Variants in LRRC7 observed in about 807,000 individuals in gnomAD.
LRRC7 encodes the protein leucine rich repeat containing 7.
LRRC7 carries 23 observed loss-of-function variants against 175.7 expected under a neutral mutation model. The ratio of observed to expected loss-of-function variants is 0.13; its 90% CI spans 0.09 to 0.19. The LOEUF (loss-of-function observed/expected upper bound fraction) is 0.19, where lower values mean the gene tolerates loss of function less well. Ranked by LOEUF, LRRC7 falls within the 10% of genes least tolerant of loss-of-function variation. The probability of loss-of-function intolerance (pLI) is 1.00; values close to 1 mark genes in which losing one functional copy is unlikely to be tolerated. For missense variants in LRRC7, 1,354 were observed against 1,904.7 expected, an observed-to-expected ratio of 0.71 and a Z score of 5.38; for synonymous variants, 685 against 680.9, an observed-to-expected ratio of 1.01 and a Z score of -0.09.
At chr1:69,628,245 T>G (rs1557509900) in intron 1 of LRRC7, among the ~76,000 whole-genome samples, 1 of 151,908 alleles carries the variant, frequency 6.6e-6, no homozygotes, top group Non-Finnish European at 1.5e-5. Context: ...TCAGAATGAG[T>G]AAAAAAAATT....
chr1:69,903,708 T>C (rs768719038), intron 7 of LRRC7, among the ~76,000 whole-genome samples: 3 of 152,018 alleles, frequency 2.0e-5, no homozygotes, highest in Non-Finnish European at 4.4e-5. Context: ...AAAAAATCAG[T>C]GAATCCAGGA....
intron 7 of LRRC7, among the ~76,000 whole-genome samples, chr1:69,869,787 A>AAGATTGAT (rs1685329653): frequency 6.6e-6 from 1 of 152,160 alleles, no homozygotes; most frequent in South Asian, 2.1e-4. Flanking sequence ...CCCAAAGGTA[A>AAGATTGAT]AGATTGATAA....
intron 25 of LRRC7, among the ~76,000 whole-genome samples, chr1:70,102,771 A>G (rs1664885980): frequency 6.6e-6 from 1 of 152,222 alleles, no homozygotes. Flanking sequence ...AATTCTATAA[A>G]GTATGTGCCA....
At chr1:70,105,645 A>G (rs570858202) in intron 25 of LRRC7, among the ~76,000 whole-genome samples, 1 of 152,274 alleles carries the variant, frequency 6.6e-6, no homozygotes, top group East Asian at 1.9e-4. Flanking sequence ...TACTGTATGG[A>G]TTTACTATAA....
At chr1:69,739,036 C>A (rs10889849) in intron 2 of LRRC7, among the ~76,000 whole-genome samples, 123,832 of 151,950 alleles carry the variant, frequency 0.81, 50,669 homozygotes, top group East Asian at 0.93. Flanking sequence ...GAACAATAAA[C>A]AGGATTTGAG....
intron 9 of LRRC7, among the ~76,000 whole-genome samples, chr1:69,982,316 AC>A (rs1458437921): frequency 2.0e-5 from 3 of 152,114 alleles, no homozygotes; most frequent in Non-Finnish European, 4.4e-5. Context: ...GTGTGGGAAT[AC>A]CCTACACCTC....
At chr1:69,801,303 T>C (rs1303172441) in intron 4 of LRRC7, among the ~76,000 whole-genome samples, 1 of 151,788 alleles carries the variant, frequency 6.6e-6, no homozygotes, top group East Asian at 1.9e-4. Flanking sequence ...CCAGTTCTTC[T>C]TTGTAGGTTT....
intron 17 of LRRC7, among the ~76,000 whole-genome samples, chr1:70,026,251 T>G (rs558752821): frequency 1.7e-4 from 26 of 152,248 alleles, no homozygotes; most frequent in Non-Finnish European, 3.1e-4. Context: ...AATGCCCTAC[T>G]TTAGCTTATT....
At chr1:69,630,702 C>T (rs1257774988) in intron 1 of LRRC7, among the ~76,000 whole-genome samples, 1 of 151,796 alleles carries the variant, frequency 6.6e-6, no homozygotes, top group Non-Finnish European at 1.5e-5. Context: ...TATTTTCTAT[C>T]TTTTACCCTT....
chr1:69,692,194 C>T (rs999193955), intron 2 of LRRC7, among the ~76,000 whole-genome samples: 8 of 152,166 alleles, frequency 5.3e-5, no homozygotes, highest in Non-Finnish European at 7.4e-5. Flanking sequence ...TGTAGTGTAT[C>T]TTAGCTGAAG....
chr1:69,708,903 A>G (rs555320155), intron 2 of LRRC7, among the ~76,000 whole-genome samples: 1 of 152,306 alleles, frequency 6.6e-6, no homozygotes, highest in Non-Finnish European at 1.5e-5. Context: ...ACTTCCACCT[A>G]TTTTATTGAC....
chr1:69,789,631 TG>T (rs1674882220), intron 3 of LRRC7, among the ~76,000 whole-genome samples: 1 of 152,088 alleles, frequency 6.6e-6, no homozygotes, highest in Non-Finnish European at 1.5e-5. Context: ...CCCAATCCAG[TG>T]AACTACCACT....
At chr1:69,909,399 T>C (rs1035863621) in intron 7 of LRRC7, among the ~76,000 whole-genome samples, 15 of 152,198 alleles carry the variant, frequency 9.9e-5, no homozygotes, top group African/African-American at 2.7e-4. Flanking sequence ...GTTTTTGCAG[T>C]GGCTGGTACC....
chr1:69,994,043 C>T (rs1418351999), intron 10 of LRRC7, among the ~76,000 whole-genome samples: 1 of 151,926 alleles, frequency 6.6e-6, no homozygotes, highest in African/African-American at 2.4e-5. Flanking sequence ...ATTTATGGTG[C>T]CAAAAAGAAT....
intron 3 of LRRC7, among the ~76,000 whole-genome samples, chr1:69,767,611 G>A (rs187241144): frequency 1.3e-5 from 2 of 151,980 alleles, no homozygotes; most frequent in East Asian, 1.9e-4. Context: ...TGTGTGCCAC[G>A]ATGCCCAGAT....
At chr1:69,580,666 G>T (rs933816631) in intron 1 of LRRC7, among the ~76,000 whole-genome samples, 2 of 152,090 alleles carry the variant, frequency 1.3e-5, no homozygotes, top group African/African-American at 4.8e-5. Flanking sequence ...ATTTTACTAA[G>T]TTCTTGCCTG....
rs1268699635 is a variant in LRRC7, at chr1:70,133,906, C to T, written c.*12019C>T. ...GTGGGAATAGATTTGTCTCAAGTTA[C>T]TCAAAATTTATTTTTAAAGTTAACT... is the stretch of plus-strand genomic sequence containing the variant. On this transcript the variant is annotated 3_prime_UTR_variant, in exon 27 of 27. Coordinates refer to ENST00000651989, the MANE Select transcript of LRRC7 (RefSeq NM_001370785.2). Among the ~76,000 whole-genome samples, 3 of 152,150 alleles carry T rather than the reference C, an allele frequency of 2.0e-5. No individual in the cohort carries two copies. The highest frequency in any genetic ancestry group is 4.8e-5 in the African/African-American group (2 of 41,442).
chr1:69,935,421 CTATTT>C (rs1647901676), intron 8 of LRRC7, among the ~76,000 whole-genome samples: 3 of 152,098 alleles, frequency 2.0e-5, no homozygotes, highest in Admixed American at 1.3e-4. Flanking sequence ...AATGTGCATT[CTATTT>C]TATTTTAAAG....
chr1:69,624,800 T>C (rs1180520620), intron 1 of LRRC7, among the ~76,000 whole-genome samples: 1 of 152,184 alleles, frequency 6.6e-6, no homozygotes, highest in Non-Finnish European at 1.5e-5. Flanking sequence ...TATTTGTTGC[T>C]AATCAAAGTC....
Sources: gnomAD v4.1 joint callset for allele counts (sites outside exome capture counted in the v4.1 genomes callset) on GRCh38, gnomAD v4.1.1 for gene constraint, MANE v1.5 for transcripts, NCBI Gene and HGNC (gene_info 2026-07-23, HGNC 2026-07-21) for gene names.